Variants in DDX21 observed in about 807,000 individuals in gnomAD.
DDX21 encodes nucleolar RNA helicase 2.
In DDX21, 18 loss-of-function variants were observed where a neutral mutation model predicts 90.0. The observed-to-expected ratio is 0.20, with a 90% CI of 0.14 to 0.30. The LOEUF (loss-of-function observed/expected upper bound fraction) is 0.30, where lower values mean the gene tolerates loss of function less well. Among genes scored for constraint, DDX21 ranks in the 10% least tolerant of loss-of-function variants. The pLI is 1.00. For synonymous variants in DDX21, 294 were observed against 318.0 expected (o/e 0.92, Z 0.80); for missense variants, 673 against 944.5 (o/e 0.71, Z 3.77).
At chr10:68,970,176 G>A (rs1843002510) in intron 7 of DDX21, 25 bp from the exon 8 acceptor site, 7 of 1,594,460 alleles carry the variant, frequency 4.4e-6, no homozygotes, top group Non-Finnish European at 6.0e-6. Context: ...TTACTAAATA[G>A]ATGTTTTTTT....
Position 68,983,872 on chromosome 10 carries a change from TG to T in DDX21, c.*1063del, listed in dbSNP as rs1433608689. ...AATGTTTCTAGAGGTTAACTTCAAG[TG>T]GGCAAGCTGGGGTTTTTAGGTAGTC... On this transcript the variant is annotated 3_prime_UTR_variant, in exon 15 of 15. Transcript: ENST00000354185. 6.6e-6 allele frequency: 1 copy of T among 152,178 alleles called. No homozygotes were observed. The highest frequency in any genetic ancestry group is 1.5e-5 in the Non-Finnish European group (1 of 68,030). 9.4% of individuals were successfully genotyped at this position (152,178 alleles called of 1,614,324 possible).
At chr10:68,972,246 T>G (rs1315964301) in intron 9 of DDX21, among the ~76,000 whole-genome samples, 194 bp downstream of exon 9, 1 of 152,132 alleles carries the variant, frequency 6.6e-6, no homozygotes, top group Non-Finnish European at 1.5e-5. Context: ...AGAAGTGCAG[T>G]CAGCAGACAG....
rs866538422 is a variant in DDX21, at chr10:68,956,229, C to G, written c.4C>G (p.Pro2Ala). 2 of 1,613,806 alleles carry G rather than the reference C, an allele frequency of 1.2e-6. No homozygotes were observed. The highest frequency in any genetic ancestry group is 1.7e-5 in the Admixed American group (1 of 59,972). ...GCCTGGGCAACCTGCGCTGAAGATG[C>G]CGGGAAAACTCCGTAGTGACGCTGG... Reference protein sequence around the residue: MPGKLRSDAGLE... With the variant: MAGKLRSDAGLE... Residue 2 changes from proline to alanine, a missense_variant, in exon 1 of 15, where the codon CCG becomes GCG. By Grantham distance (27) the Pro-to-Ala change is conservative (BLOSUM62 -1). Coordinates refer to ENST00000354185, the MANE Select transcript of DDX21 (RefSeq NM_004728.4).
rs771968532 is a variant in DDX21, at chr10:68,970,192, T to G, written c.1237-9T>G. On this transcript the variant is annotated splice_polypyrimidine_tract_variant and intron_variant, in intron 7 of 14. Coordinates refer to ENST00000354185, the MANE Select transcript of DDX21 (RefSeq NM_004728.4). ...TACTAAATAGATGTTTTTTTTCTTC[T>G]TACATAAGCATCTGGCTATTAAGTG... 3 of 1,591,828 alleles carry G rather than the reference T, an allele frequency of 1.9e-6. No individual in the cohort carries two copies. In the Admixed American group the frequency reaches 5.6e-5, roughly 30 times the overall value.
At chr10:68,966,568 G>A (rs1057452080) in intron 5 of DDX21, among the ~76,000 whole-genome samples, 4 of 151,788 alleles carry the variant, frequency 2.6e-5, no homozygotes, top group East Asian at 1.9e-4. Context: ...TCAGCCTCCC[G>A]AGTAGCTGGG....
Position 68,983,737 on chromosome 10 carries a change from A to G in DDX21, c.*925A>G, listed in dbSNP as rs890899272. ...AAAAAAAAGAACCAAACCACTGGAA[A>G]TAATCAAATGCAAAAAGGTAACAAA... On this transcript the variant is annotated 3_prime_UTR_variant, in exon 15 of 15. Coordinates refer to ENST00000354185, the MANE Select transcript of DDX21 (RefSeq NM_004728.4). 4.3e-4 allele frequency: 65 copies of G among 151,876 alleles called. No homozygotes were observed. The highest frequency in any genetic ancestry group is 1.5e-3 in the African/African-American group (60 of 41,370). 9.4% of individuals were successfully genotyped at this position (151,876 alleles called of 1,614,324 possible).
intron 4 of DDX21, 85 bp from the exon 5 acceptor site, chr10:68,965,292 T>G: frequency 9.3e-7 from 1 of 1,080,578 alleles, no homozygotes; most frequent in Non-Finnish European, 1.4e-6. Flanking sequence ...CAAGTCGTTC[T>G]TTTCCTGGAA....
chr10:68,978,939 C>T lies in DDX21; in HGVS notation c.2000C>T (p.Ser667Phe). The change falls in exon 13 of 15, where the codon TCC (serine) becomes TTC (phenylalanine). Residue 667 changes from serine to phenylalanine, a missense_variant. Ser to Phe is a radical substitution (Grantham distance 155, BLOSUM62 -2). Around this residue, in one of 4 missense-constraint regions of DDX21, gnomAD observed 225 missense variants for 298.8 expected, o/e 0.75. Transcript: ENST00000354185. ...LKEQLGEEID[S>F]KVKGMVFLKG... ...GAGCAGCTGGGCGAGGAGATTGATTCCAAAGTGAAGGGAATGGTTTTTCTC... is the reference window on the plus strand; with the variant it reads ...GAGCAGCTGGGCGAGGAGATTGATTTCAAAGTGAAGGGAATGGTTTTTCTC... The T allele has an allele frequency of 6.2e-7, 1 of 1,614,086 alleles. No individual in the cohort carries two copies. The highest frequency in any genetic ancestry group is 2.2e-5 in the East Asian group (1 of 44,886).
intron 14 of DDX21, 92 bp downstream of exon 14, chr10:68,981,673 T>C: frequency 9.0e-7 from 1 of 1,117,308 alleles, no homozygotes; most frequent in East Asian, 2.4e-5. Flanking sequence ...GAAACAATAG[T>C]TCTGGTTCCT....
intron 3 of DDX21, among the ~76,000 whole-genome samples, chr10:68,962,577 C>A (rs1470901996): frequency 6.6e-6 from 1 of 152,028 alleles, no homozygotes; most frequent in Non-Finnish European, 1.5e-5. Context: ...GGTCACACCA[C>A]TGCACGCCAG....
intron 8 of DDX21, among the ~76,000 whole-genome samples, chr10:68,971,042 G>A (rs558702722): frequency 6.5e-5 from 9 of 139,320 alleles, no homozygotes; most frequent in Non-Finnish European, 1.4e-4. Context: ...GCGTGGTCTC[G>A]GATCACTGTA....
At chr10:68,963,261 T>C (rs1375151559) in intron 3 of DDX21, 30 bp from the exon 4 acceptor site, 3 of 1,577,424 alleles carry the variant, frequency 1.9e-6, no homozygotes, top group African/African-American at 2.7e-5. Flanking sequence ...AGAATTGCAG[T>C]GTGAGATAAC....
At chr10:68,958,059 CAT>C (rs964441046) in intron 1 of DDX21, among the ~76,000 whole-genome samples, 8 of 152,146 alleles carry the variant, frequency 5.3e-5, no homozygotes, top group Non-Finnish European at 7.3e-5. Flanking sequence ...CTTTTTTACA[CAT>C]GAGTGATAGA....
At chr10:68,969,202 T>G (rs1437205384) in intron 7 of DDX21, 81 bp downstream of exon 7, 2 of 1,329,526 alleles carry the variant, frequency 1.5e-6, no homozygotes, top group East Asian at 5.0e-5. Flanking sequence ...TGGCAAATGC[T>G]CTTTTTCCAG....
rs1180250148 is a variant in DDX21 at position 68,960,267 on chromosome 10, TG to T, written c.531+21del. The T allele has an allele frequency of 6.4e-7, 1 of 1,571,050 alleles. No homozygotes were observed. The highest frequency in any genetic ancestry group is 1.4e-5 in the African/African-American group (1 of 72,630). On this transcript the variant is annotated intron_variant, in intron 2 of 14. Coordinates refer to ENST00000354185, the MANE Select transcript of DDX21 (RefSeq NM_004728.4). Reference sequence around the variant, plus strand: ...TAGAGCAGGTACATTTGCACTTCATTGGGTAGAAGATATCTTTCATTGTTGT... The same window carrying T: ...TAGAGCAGGTACATTTGCACTTCATTGGTAGAAGATATCTTTCATTGTTGT...
chr10:68,971,873 C>T lies in DDX21; in HGVS notation c.1387-18C>T, dbSNP rs1350517483. ...ATTGTTGGAACTGGTGTTCTTACAT[C>T]CGTTTATTTATTGGCAGGATGCTCA... On this transcript the variant is annotated intron_variant, in intron 8 of 14. Transcript: ENST00000354185. 3 of 1,610,192 alleles carry T rather than the reference C, an allele frequency of 1.9e-6. No homozygotes were observed. The highest frequency in any genetic ancestry group is 2.5e-6 in the Non-Finnish European group (3 of 1,177,070).
chr10:68,956,772 G>A, intron 1 of DDX21: 4 of 1,002,954 alleles, frequency 4.0e-6, no homozygotes, highest in Non-Finnish European at 3.6e-6. Context: ...GCCGGGTGCG[G>A]TGGCTCACGC....
At chr10:68,958,567 G>T in intron 1 of DDX21, among the ~76,000 whole-genome samples, 1 of 152,114 alleles carries the variant, frequency 6.6e-6, no homozygotes. Context: ...CTCCCGAGTA[G>T]CTGGGACTAC....
intron 11 of DDX21, among the ~76,000 whole-genome samples, chr10:68,977,181 T>C (rs184269272): frequency 5.1e-4 from 77 of 152,336 alleles, no homozygotes; most frequent in African/African-American, 1.7e-3. Context: ...CATCTAATGG[T>C]AGTATGACAT....
Sources: gnomAD v4.1 joint callset for allele counts (sites outside exome capture counted in the v4.1 genomes callset) on GRCh38, gnomAD v4.1.1 for gene constraint, gnomAD v4.1.1 regional missense constraint, MANE v1.5 for transcripts, NCBI Gene and HGNC (gene_info 2026-07-23, HGNC 2026-07-21) for gene names.